The following WDR70 variants were observed in gnomAD, a reference collection of about 807,000 sequenced individuals.
WDR70 encodes the protein WD repeat-containing protein 70.
Under a neutral mutation model 88.6 loss-of-function variants are expected in WDR70, and 53 were observed. That is an observed-to-expected ratio of 0.60 (90% CI 0.48 to 0.75). The LOEUF is 0.75. Among genes scored for constraint, WDR70 ranks in the 30% least tolerant of loss-of-function variants. The probability of loss-of-function intolerance (pLI) is 0.00; values close to 1 mark genes in which losing one functional copy is unlikely to be tolerated. For synonymous variants in WDR70, 280 were observed against 270.0 expected, an observed-to-expected ratio of 1.04 and a Z score of -0.36; for missense variants, 610 against 823.2, an observed-to-expected ratio of 0.74 and a Z score of 3.17.
At chr5:37,601,988 A>G (rs1743896524) in intron 9 of WDR70, among the ~76,000 whole-genome samples, 1 of 144,710 alleles carries the variant, frequency 6.9e-6, no homozygotes, top group South Asian at 2.2e-4. Context: ...CAAACACCGC[A>G]TGTTCTCACT....
intron 8 of WDR70, among the ~76,000 whole-genome samples, chr5:37,509,710 T>A (rs1462305683): frequency 6.6e-6 from 1 of 152,048 alleles, no homozygotes; most frequent in Non-Finnish European, 1.5e-5. Context: ...CACATTAACA[T>A]CTTCCCAGTT....
chr5:37,602,941 C>A lies in WDR70; in HGVS notation c.918-2123C>A, dbSNP rs373895611. Among the ~76,000 whole-genome samples the A allele has an allele frequency of 3.9e-5, 6 of 151,918 alleles. No individual in the cohort carries two copies. In the South Asian group the frequency reaches 8.3e-4, roughly 21 times the overall value. ...GCAGTGAGCCGAGATTGCGCCACGG[C>A]ACTCCAGCCTGGGCGATAGAGCGAG... On this transcript the variant is annotated intron_variant, in intron 9 of 17. Coordinates refer to ENST00000265107, the MANE Select transcript of WDR70 (RefSeq NM_018034.4).
At chr5:37,591,791 C>T (rs1294117698) in intron 9 of WDR70, among the ~76,000 whole-genome samples, 1 of 152,102 alleles carries the variant, frequency 6.6e-6, no homozygotes, top group East Asian at 1.9e-4. Context: ...GAAACATCAG[C>T]AAGTTCAAGC....
chr5:37,423,362 T>TAA lies in WDR70; in HGVS notation c.493-14549_493-14548dup, dbSNP rs542245071. ...TGGCCAGTATAATAAACAAAAACAT[T>TAA]AAAAAAAAAAAAGAAGAAAAGGAAA... On this transcript the variant is annotated intron_variant, in intron 5 of 17. Transcript: ENST00000265107. Among the ~76,000 whole-genome samples the TAA allele has an allele frequency of 8.2e-3, 1,035 of 125,994 alleles. 13 individuals are homozygous for TAA. Among genetic ancestry groups the TAA allele is most frequent in the African/African-American group, 0.027 (966 of 35,308 alleles). The allele number at this position is 125,994 out of a possible 152,430, so 82.7% of individuals were successfully genotyped here.
intron 8 of WDR70, among the ~76,000 whole-genome samples, chr5:37,504,730 A>G (rs1740509258): frequency 6.6e-6 from 1 of 152,236 alleles, no homozygotes; most frequent in African/African-American, 2.4e-5. Context: ...TTGCATATGT[A>G]GATATAGAAG....
rs1027826162 is a variant in WDR70 at position 37,459,285 on chromosome 5, GA to G, written c.686+15920del. On this transcript the variant is annotated intron_variant, in intron 7 of 17. Coordinates refer to ENST00000265107, the MANE Select transcript of WDR70 (RefSeq NM_018034.4). ...TTTGGAATAGGTGTGGTGTGGTGCT[GA>G]AAAAAATGTATATTCTTTTGATTTG... 2.2e-3 allele frequency among the ~76,000 whole-genome samples: 241 copies of G among 109,260 alleles called. 2 individuals are homozygous for G. Among genetic ancestry groups the G allele is most frequent in the African/African-American group, 6.5e-3 (226 of 34,742 alleles). 71.7% of individuals were successfully genotyped at this position (109,260 alleles called of 152,430 possible).
intron 7 of WDR70, among the ~76,000 whole-genome samples, chr5:37,466,596 C>T (rs1382883954): frequency 6.7e-6 from 1 of 148,274 alleles, no homozygotes; most frequent in Non-Finnish European, 1.5e-5. Flanking sequence ...GTCCCAGCTA[C>T]TCAGGAGGCT....
At chr5:37,538,316 T>A (rs895350058) in intron 9 of WDR70, among the ~76,000 whole-genome samples, 2 of 151,532 alleles carry the variant, frequency 1.3e-5, no homozygotes, top group African/African-American at 4.9e-5. Flanking sequence ...GATAAAAGTT[T>A]ATTCATCTCA....
At chr5:37,667,726 TAA>T (rs1435624947) in intron 10 of WDR70, among the ~76,000 whole-genome samples, 1 of 151,332 alleles carries the variant, frequency 6.6e-6, no homozygotes, top group African/African-American at 2.4e-5. Context: ...CCTCAAAGCC[TAA>T]AATATGTATT....
chr5:37,446,111 G>C, intron 7 of WDR70, among the ~76,000 whole-genome samples: 1 of 152,298 alleles, frequency 6.6e-6, no homozygotes, highest in Non-Finnish European at 1.5e-5. Flanking sequence ...CAAAATCAAT[G>C]TGCAAAAATC....
rs185725765 is a variant in WDR70, at chr5:37,530,174, A to G, written c.917+13584A>G. Among the ~76,000 whole-genome samples the G allele has an allele frequency of 7.9e-5, 12 of 152,274 alleles. No homozygotes were observed. In the East Asian group the frequency reaches 2.3e-3, roughly 29 times the overall value. On this transcript the variant is annotated intron_variant, in intron 9 of 17. Transcript: ENST00000265107. Reference sequence around the variant, plus strand: ...TCCCTGGTATGAAACCCACTTGATCATGGCGGATTATATTTTTGATATGCT... The same window carrying G: ...TCCCTGGTATGAAACCCACTTGATCGTGGCGGATTATATTTTTGATATGCT...
intron 9 of WDR70, among the ~76,000 whole-genome samples, chr5:37,567,011 A>G (rs1742764292): frequency 6.6e-6 from 1 of 152,216 alleles, no homozygotes; most frequent in Non-Finnish European, 1.5e-5. Context: ...GGGGTCTCCA[A>G]AATTAATAAT....
chr5:37,696,128 A>T lies in WDR70; in HGVS notation c.1093-1527A>T, dbSNP rs78890552. On this transcript the variant is annotated intron_variant, in intron 10 of 17. Transcript: ENST00000265107. ...GCCAAGTCTTTTAGAAGCTATGTTT[A>T]TCTGGGCACATTTGTGTTTTCTCTG... Among the ~76,000 whole-genome samples the T allele has an allele frequency of 2.2e-4, 34 of 152,244 alleles. No homozygotes were observed. The East Asian group carries it at 4.4e-3, about 20-fold the overall frequency.
intron 10 of WDR70, among the ~76,000 whole-genome samples, chr5:37,616,776 A>G (rs1218189995): frequency 1.3e-5 from 2 of 152,232 alleles, no homozygotes; most frequent in Admixed American, 1.3e-4. Context: ...CAAGATGAGC[A>G]TGACATATTA....
chr5:37,396,564 A>C lies in WDR70; in HGVS notation c.486A>C (p.Glu162Asp), dbSNP rs1341329866. The change falls in exon 5 of 18, where the codon GAA (glutamate) becomes GAC (aspartate). Residue 162 changes from glutamate (E) to aspartate (D), a missense_variant. Glu to Asp is a conservative substitution (Grantham distance 45, BLOSUM62 2). Coordinates refer to ENST00000265107, the MANE Select transcript of WDR70 (RefSeq NM_018034.4). The part of the protein sequence containing the change: ...EAEEEEEEEE[E>D]EENPVHKIPD... ...AGGAAGAAGAAGAGGAAGAGGAGGA[A>C]GAGGAAGTAAGTATTTCAGTGGTAA... 6.2e-7 allele frequency: 1 copy of C among 1,608,880 alleles called. No individual in the cohort carries two copies.
chr5:37,381,548 G>A, intron 2 of WDR70, 54 bp from the exon 3 acceptor site: 3 of 1,521,040 alleles, frequency 2.0e-6, no homozygotes, highest in Non-Finnish European at 2.7e-6. Flanking sequence ...ATCACCTAAA[G>A]TTTGGCCAAC....
intron 2 of WDR70, among the ~76,000 whole-genome samples, chr5:37,380,142 C>A (rs1748380426): frequency 6.6e-6 from 1 of 152,164 alleles, no homozygotes; most frequent in African/African-American, 2.4e-5. Context: ...AAAATGATTT[C>A]TCTTTATTTT....
chr5:37,624,355 C>G (rs1231275501), intron 10 of WDR70, among the ~76,000 whole-genome samples: 1 of 152,202 alleles, frequency 6.6e-6, no homozygotes, highest in Non-Finnish European at 1.5e-5. Flanking sequence ...ATCCATGTTA[C>G]TGTGAATGGC....
chr5:37,474,199 T>C (rs59938294), intron 7 of WDR70, among the ~76,000 whole-genome samples: 8 of 152,224 alleles, frequency 5.3e-5, no homozygotes, highest in Non-Finnish European at 8.8e-5. Flanking sequence ...ATATGCTATA[T>C]GATTTTAGGT....
Sources: gnomAD v4.1 joint callset for allele counts (sites outside exome capture counted in the v4.1 genomes callset) on GRCh38, gnomAD v4.1.1 for gene constraint, MANE v1.5 for transcripts, NCBI Gene and HGNC (gene_info 2026-07-23, HGNC 2026-07-21) for gene names.